The following RGS6 variants were observed in gnomAD, a reference collection of about 807,000 sequenced individuals.
RGS6 encodes regulator of G-protein signaling 6.
In RGS6, 30 loss-of-function variants were observed where a neutral mutation model predicts 78.5. The observed-to-expected ratio is 0.38, with a 90% CI of 0.29 to 0.52. RGS6 has a LOEUF of 0.52. Among genes scored for constraint, RGS6 ranks in the 20% least tolerant of loss-of-function variants. The probability of loss-of-function intolerance (pLI) is 0.85; values close to 1 mark genes in which losing one functional copy is unlikely to be tolerated. For missense variants in RGS6, 495 were observed against 609.7 expected, an observed-to-expected ratio of 0.81 and a Z score of 1.98; for synonymous variants, 206 against 206.0, an observed-to-expected ratio of 1.00 and a Z score of 0.00.
intron 3 of RGS6, among the ~76,000 whole-genome samples, chr14:72,398,111 G>A (rs2091762360): frequency 6.6e-6 from 1 of 152,144 alleles, no homozygotes; most frequent in Non-Finnish European, 1.5e-5. Context: ...GATTGGAATA[G>A]TTTCAGAAGG....
the RGS6 span, among the ~76,000 whole-genome samples, chr14:71,907,002 A>G: frequency 6.6e-6 from 1 of 152,214 alleles, no homozygotes; most frequent in Non-Finnish European, 1.5e-5. Flanking sequence ...TTCTCTTGGG[A>G]AGGACCTCTG....
At chr14:71,976,013 G>A (rs2094104510) in intron 2 of RGS6, among the ~76,000 whole-genome samples, 2 of 151,856 alleles carry the variant, frequency 1.3e-5, no homozygotes, top group Non-Finnish European at 2.9e-5. Context: ...TCATCCCATT[G>A]AATTTGTAAC....
chr14:72,049,491 T>G (rs2093088112), intron 2 of RGS6, among the ~76,000 whole-genome samples: 1 of 152,198 alleles, frequency 6.6e-6, no homozygotes, highest in South Asian at 2.1e-4. Context: ...TGCTTTCTAT[T>G]GGCAAAAATC....
At chr14:72,457,085 A>T (rs1048719709) in intron 4 of RGS6, among the ~76,000 whole-genome samples, 2 of 42,592 alleles carry the variant, frequency 4.7e-5, no homozygotes, top group Non-Finnish European at 8.8e-5. Context: ...ACCTGTCTCT[A>T]AAAAAAAAAA....
chr14:72,398,532 T>A (rs921301067), intron 3 of RGS6, among the ~76,000 whole-genome samples: 1 of 152,184 alleles, frequency 6.6e-6, no homozygotes, highest in Non-Finnish European at 1.5e-5. Context: ...TTTGAAGAGT[T>A]TTTTGTGTCT....
At chr14:71,953,701 AT>A (rs36005504) in intron 1 of RGS6, among the ~76,000 whole-genome samples, 4,264 of 152,078 alleles carry the variant, frequency 0.028, 103 homozygotes, top group Middle Eastern at 0.068. Flanking sequence ...AAAAGGGTCT[AT>A]TTTTTTCTTT....
the RGS6 span, among the ~76,000 whole-genome samples, chr14:71,870,359 T>G: frequency 6.6e-6 from 1 of 152,186 alleles, no homozygotes; most frequent in South Asian, 2.1e-4. Context: ...TAATTTACAT[T>G]ACTACCTCCT....
intron 1 of RGS6, among the ~76,000 whole-genome samples, chr14:71,936,070 C>CTA (rs1324514928): frequency 6.9e-5 from 6 of 87,160 alleles, no homozygotes; most frequent in South Asian, 4.0e-4. Flanking sequence ...TACATATATG[C>CTA]TATATATATG....
intron 3 of RGS6, among the ~76,000 whole-genome samples, chr14:72,439,247 C>T (rs564862669): frequency 2.5e-4 from 38 of 152,348 alleles, no homozygotes; most frequent in Admixed American, 6.5e-4. Context: ...GTTTCTGTCT[C>T]ATTCCCCACT....
chr14:72,547,844 G>C (rs1398473250), intron 17 of RGS6, among the ~76,000 whole-genome samples: 1 of 152,166 alleles, frequency 6.6e-6, no homozygotes, highest in Non-Finnish European at 1.5e-5. Flanking sequence ...GGCCTCATTG[G>C]TGTAATATTT....
At chr14:72,290,947 C>A (rs556112123) in intron 2 of RGS6, among the ~76,000 whole-genome samples, 20 of 152,210 alleles carry the variant, frequency 1.3e-4, no homozygotes, top group African/African-American at 4.8e-4. Context: ...TCTCAAGAGG[C>A]AAAGCTCTGG....
chr14:72,547,131 A>G, intron 17 of RGS6: 1 of 1,530,436 alleles, frequency 6.5e-7, no homozygotes, highest in Non-Finnish European at 8.7e-7. Flanking sequence ...GACCACTCAG[A>G]AGACAGGATG....
chr14:72,315,144 T>A (rs983007332), intron 2 of RGS6, among the ~76,000 whole-genome samples: 1 of 8,360 alleles, frequency 1.2e-4, no homozygotes, highest in African/African-American at 5.5e-4. Context: ...TTAAAACATA[T>A]GTAAATATCA....
At chr14:72,619,509 G>A in the RGS6 span, 9 of 921,304 alleles carry the variant, frequency 9.8e-6, no homozygotes, top group Non-Finnish European at 1.5e-5. Flanking sequence ...AAACGTGCCA[G>A]AGTCTGTGGC....
At chr14:71,914,175 A>G in the RGS6 span, among the ~76,000 whole-genome samples, 2 of 152,206 alleles carry the variant, frequency 1.3e-5, no homozygotes, top group South Asian at 4.1e-4. Context: ...GGGCCAGCTG[A>G]CTGCTAAGTT....
At chr14:72,607,892 C>T in the RGS6 span, among the ~76,000 whole-genome samples, 3 of 152,298 alleles carry the variant, frequency 2.0e-5, no homozygotes, top group Admixed American at 6.5e-5. Context: ...GCCGAAATAA[C>T]GGCCCCACAT....
the RGS6 span, among the ~76,000 whole-genome samples, chr14:71,920,793 C>T: frequency 6.6e-6 from 1 of 152,258 alleles, no homozygotes; most frequent in Admixed American, 6.5e-5. Context: ...ACATCGGTTT[C>T]TGGGCAATGA....
At chr14:71,884,839 G>C in the RGS6 span, among the ~76,000 whole-genome samples, 2 of 152,160 alleles carry the variant, frequency 1.3e-5, no homozygotes, top group Non-Finnish European at 2.9e-5. Flanking sequence ...TAGGCACTAG[G>C]ATGCAGTAAG....
At chr14:72,148,439 A>G (rs1022805774) in intron 2 of RGS6, among the ~76,000 whole-genome samples, 1 of 152,304 alleles carries the variant, frequency 6.6e-6, no homozygotes, top group African/African-American at 2.4e-5. Flanking sequence ...ATGGAAAATC[A>G]TTGATGGGTT....
Sources: allele counts gnomAD v4.1 joint callset (sites outside exome capture counted in the v4.1 genomes callset), GRCh38; gene constraint gnomAD v4.1.1; transcripts MANE v1.5; gene names NCBI Gene and HGNC (gene_info 2026-07-23, HGNC 2026-07-21).